The following AGBL4 variants were observed in gnomAD, a reference collection of about 807,000 sequenced individuals.
AGBL4 encodes the protein AGBL carboxypeptidase 4, also known as cytosolic carboxypeptidase 6.
Under a neutral mutation model 66.4 loss-of-function variants are expected in AGBL4, and 58 were observed. The observed-to-expected ratio is 0.87, with a 90% CI of 0.71 to 1.09. The LOEUF is 1.09. AGBL4 is among the 50% of genes least tolerant of loss of function. AGBL4 has a pLI of 0.00. For synonymous variants in AGBL4, 234 were observed against 222.9 expected (o/e 1.05, Z -0.44); for missense variants, 579 against 631.0 (o/e 0.92, Z 0.88).
intron 4 of AGBL4, among the ~76,000 whole-genome samples, chr1:49,239,960 T>C (rs1651088655): frequency 6.6e-6 from 1 of 152,012 alleles, no homozygotes; most frequent in African/African-American, 2.4e-5. Flanking sequence ...ATGTATGACT[T>C]TTTTTAGCTA....
At chr1:48,752,378 A>G (rs916826320) in intron 6 of AGBL4, among the ~76,000 whole-genome samples, 9 of 152,332 alleles carry the variant, frequency 5.9e-5, no homozygotes, top group Admixed American at 5.9e-4. Flanking sequence ...GTTGAGAGCT[A>G]GAGATGGGAA....
At chr1:49,442,385 C>A (rs1224920163) in intron 3 of AGBL4, among the ~76,000 whole-genome samples, 1 of 152,120 alleles carries the variant, frequency 6.6e-6, no homozygotes, top group Non-Finnish European at 1.5e-5. Context: ...TAGGTATTTA[C>A]AAGTAGGGGA....
chr1:48,818,962 T>C (rs138789549), intron 6 of AGBL4, among the ~76,000 whole-genome samples: 2 of 152,276 alleles, frequency 1.3e-5, no homozygotes, highest in African/African-American at 2.4e-5. Flanking sequence ...GCCTGCATCA[T>C]GGAAATATAT....
At chr1:48,606,595 TC>T (rs1203799376) in intron 9 of AGBL4, among the ~76,000 whole-genome samples, 1 of 152,138 alleles carries the variant, frequency 6.6e-6, no homozygotes, top group Non-Finnish European at 1.5e-5. Context: ...AAAAAGGATC[TC>T]CAAAGGGATG....
At chr1:48,771,374 A>G (rs1460575477) in intron 6 of AGBL4, among the ~76,000 whole-genome samples, 1 of 152,246 alleles carries the variant, frequency 6.6e-6, no homozygotes, top group Non-Finnish European at 1.5e-5. Flanking sequence ...GCTCTTGAAC[A>G]GCAAAACACC....
chr1:49,069,937 C>A (rs546381646), intron 4 of AGBL4, among the ~76,000 whole-genome samples: 45 of 151,834 alleles, frequency 3.0e-4, no homozygotes, highest in African/African-American at 1.1e-3. Flanking sequence ...CTCCGTGAAG[C>A]GGTCCTTCAC....
chr1:49,977,185 C>A (rs1211426694), intron 1 of AGBL4, among the ~76,000 whole-genome samples: 1 of 151,724 alleles, frequency 6.6e-6, no homozygotes, highest in Non-Finnish European at 1.5e-5. Context: ...CTCCCTTCTT[C>A]CATGGGCTTC....
chr1:48,534,847 G>A, intron 13 of AGBL4, 43 bp downstream of exon 13: 2 of 1,538,310 alleles, frequency 1.3e-6, no homozygotes, highest in Non-Finnish European at 1.8e-6. Flanking sequence ...CACATGCATG[G>A]TATGTTACTT....
At chr1:48,771,864 T>C (rs529865646) in intron 6 of AGBL4, among the ~76,000 whole-genome samples, 2 of 152,310 alleles carry the variant, frequency 1.3e-5, no homozygotes, top group East Asian at 3.9e-4. Context: ...GGAAGCTATT[T>C]CCCCCAAGTG....
intron 11 of AGBL4, among the ~76,000 whole-genome samples, chr1:48,552,983 C>T (rs1644271129): frequency 6.6e-6 from 1 of 152,092 alleles, no homozygotes; most frequent in African/African-American, 2.4e-5. Context: ...CCTCTCCCTT[C>T]TCTACTTGCC....
At chr1:48,523,170 T>C in the AGBL4 span, among the ~76,000 whole-genome samples, 4 of 152,146 alleles carry the variant, frequency 2.6e-5, no homozygotes, top group East Asian at 1.9e-4. Context: ...TCTAAAGTTA[T>C]ATAAATGCTG....
intron 6 of AGBL4, among the ~76,000 whole-genome samples, chr1:48,719,512 C>A (rs559890405): frequency 2.1e-4 from 32 of 152,314 alleles, no homozygotes; most frequent in African/African-American, 7.0e-4. Flanking sequence ...CAAAGCCCCA[C>A]CCTTCAGTGT....
At chr1:49,699,887 T>C (rs770814931) in intron 2 of AGBL4, among the ~76,000 whole-genome samples, 6 of 151,974 alleles carry the variant, frequency 3.9e-5, no homozygotes, top group Non-Finnish European at 7.4e-5. Flanking sequence ...AAGTAGATTG[T>C]AGTTGCTTTT....
intron 2 of AGBL4, among the ~76,000 whole-genome samples, chr1:49,766,515 C>T (rs1376416157): frequency 6.6e-6 from 1 of 151,932 alleles, no homozygotes; most frequent in Non-Finnish European, 1.5e-5. Flanking sequence ...TATAAAGCAA[C>T]TACTCAATAC....
At chr1:48,606,716 T>C (rs1013262087) in intron 9 of AGBL4, among the ~76,000 whole-genome samples, 4 of 152,196 alleles carry the variant, frequency 2.6e-5, no homozygotes, top group Non-Finnish European at 5.9e-5. Flanking sequence ...GTTGTGGTTC[T>C]GGACTACTGC....
intron 2 of AGBL4, among the ~76,000 whole-genome samples, chr1:49,790,523 AG>A (rs1266809231): frequency 1.3e-5 from 2 of 152,188 alleles, no homozygotes; most frequent in Non-Finnish European, 2.9e-5. Flanking sequence ...CTGCCTGCAA[AG>A]GGGATGAGTG....
At chr1:49,152,093 A>C (rs529818076) in intron 4 of AGBL4, among the ~76,000 whole-genome samples, 5 of 152,210 alleles carry the variant, frequency 3.3e-5, no homozygotes, top group Non-Finnish European at 5.9e-5. Context: ...TTTTATAATA[A>C]ATTTAAAAAG....
intron 2 of AGBL4, among the ~76,000 whole-genome samples, chr1:49,774,204 C>A (rs1300489348): frequency 1.3e-5 from 2 of 152,122 alleles, no homozygotes; most frequent in African/African-American, 4.8e-5. Flanking sequence ...GGAGGACCAC[C>A]CTGTAGCAAT....
At chr1:48,894,652 CTT>C (rs1351443905) in intron 5 of AGBL4, among the ~76,000 whole-genome samples, 1 of 151,824 alleles carries the variant, frequency 6.6e-6, no homozygotes, top group African/African-American at 2.4e-5. Flanking sequence ...ATACATGTAA[CTT>C]AGTGTGTGAC....
Sources: gnomAD v4.1 joint callset for allele counts (sites outside exome capture counted in the v4.1 genomes callset) on GRCh38, gnomAD v4.1.1 for gene constraint, MANE v1.5 for transcripts, NCBI Gene and HGNC (gene_info 2026-07-23, HGNC 2026-07-21) for gene names.